Variants in MYH15 observed in about 807,000 individuals in gnomAD.
MYH15 encodes myosin-15.
A neutral mutation model predicts 240.5 loss-of-function variants in MYH15; 227 were observed. The ratio of observed to expected loss-of-function variants is 0.94; its 90% CI spans 0.85 to 1.05. The LOEUF (loss-of-function observed/expected upper bound fraction) is 1.05. Among genes scored for constraint, MYH15 ranks in the 50% least tolerant of loss-of-function variants. The probability of loss-of-function intolerance (pLI) is 0.00; values close to 1 mark genes in which losing one functional copy is unlikely to be tolerated. For synonymous variants in MYH15, 785 were observed against 796.7 expected (o/e 0.99, Z 0.25); for missense variants, 2,217 against 2,247.5 (o/e 0.99, Z 0.27).
At chr3:108,432,296 C>A (rs1438310917) in intron 25 of MYH15, among the ~76,000 whole-genome samples, 3 of 152,068 alleles carry the variant, frequency 2.0e-5, no homozygotes, top group Non-Finnish European at 4.4e-5. Flanking sequence ...TGAGCTCAGG[C>A]AATCTGGCCG....
intron 21 of MYH15, among the ~76,000 whole-genome samples, chr3:108,447,144 G>A (rs2082935309): frequency 1.3e-5 from 2 of 152,074 alleles, no homozygotes; most frequent in South Asian, 4.1e-4. Context: ...TGAGCTCAAA[G>A]ACAGGTCACT....
intron 33 of MYH15, among the ~76,000 whole-genome samples, chr3:108,403,468 C>T (rs1034641797): frequency 2.0e-5 from 3 of 147,914 alleles, no homozygotes; most frequent in Non-Finnish European, 4.5e-5. Flanking sequence ...CCTGGCTTAT[C>T]GTTGATTGCT....
Position 108,478,712 on chromosome 3 carries a change from C to T in MYH15, c.1115-2197G>A, listed in dbSNP as rs138037048. ...AAAAAAAGAGAAACATTTGTTTTTTCTAAGCTTTGGAAGCATGAAGAGAGA... is the reference window on the plus strand; with the variant it reads ...AAAAAAAGAGAAACATTTGTTTTTTTTAAGCTTTGGAAGCATGAAGAGAGA... On this transcript the variant is annotated intron_variant, in intron 11 of 40. Coordinates refer to ENST00000693548, the MANE Select transcript of MYH15 (RefSeq NM_014981.3). Among the ~76,000 whole-genome samples the T allele has an allele frequency of 8.8e-3, 1,337 of 151,446 alleles. 8 individuals carry two copies. Among genetic ancestry groups the T allele is most frequent in the Non-Finnish European group, 0.015 (1,031 of 67,828 alleles).
upstream of MYH15, chr3:108,510,724 C>T (rs1479325785): frequency 2.4e-6 from 2 of 819,564 alleles, no homozygotes; most frequent in Admixed American, 3.0e-5. Context: ...TTTCTCTTCG[C>T]TATGTCTCAA....
At chr3:108,493,022 A>AAAGG (rs61139688) in intron 8 of MYH15, 92 bp downstream of exon 8, 474,600 of 680,688 alleles carry the variant, frequency 0.7, 169,475 homozygotes, top group Non-Finnish European at 0.78. Context: ...AGAAAGAAGA[A>AAAGG]AAGGAAGGAA....
intron 30 of MYH15, among the ~76,000 whole-genome samples, chr3:108,411,618 C>T (rs1234555730): frequency 1.3e-5 from 2 of 152,156 alleles, no homozygotes; most frequent in African/African-American, 2.4e-5. Context: ...CCACCACCCC[C>T]GTAATATGCT....
intron 37 of MYH15, 61 bp from the exon 38 acceptor site, chr3:108,389,135 G>GA: frequency 7.0e-7 from 1 of 1,431,906 alleles, no homozygotes; most frequent in South Asian, 1.2e-5. Context: ...TCTATTTGCT[G>GA]ATTGGCACAA....
At chr3:108,505,556 C>G (rs1203717784) in intron 2 of MYH15, among the ~76,000 whole-genome samples, 167 bp downstream of exon 2, 2 of 152,154 alleles carry the variant, frequency 1.3e-5, no homozygotes, top group Non-Finnish European at 2.9e-5. Context: ...AGGCATGAGC[C>G]ATTGTGCCCA....
intron 11 of MYH15, among the ~76,000 whole-genome samples, chr3:108,481,300 A>G (rs569224897): frequency 8.2e-4 from 125 of 152,350 alleles, no homozygotes; most frequent in African/African-American, 2.9e-3. Context: ...CTGAGTAGGT[A>G]GGGTTCACTT....
intron 26 of MYH15, among the ~76,000 whole-genome samples, chr3:108,429,581 C>A (rs2082759740): frequency 6.6e-6 from 1 of 152,130 alleles, no homozygotes; most frequent in Non-Finnish European, 1.5e-5. Flanking sequence ...AACAGGTCTA[C>A]AAATCCTGAG....
In MYH15 at chr3:108,383,746, A is replaced by T. The variant is rs781225468; in HGVS notation, c.5632-17T>A. The T allele has an allele frequency of 1.3e-6, 2 of 1,535,630 alleles. No individual in the cohort carries two copies. Among genetic ancestry groups the T allele is most frequent in the Non-Finnish European group, 8.7e-7 (1 of 1,146,676 alleles). On this transcript the variant is annotated splice_polypyrimidine_tract_variant and intron_variant, in intron 39 of 40. Coordinates refer to ENST00000693548, the MANE Select transcript of MYH15 (RefSeq NM_014981.3). The stretch of plus-strand genomic sequence containing the variant: ...TTGTGTTTCCTATAAAAATAAAAAA[A>T]AAAAAAAAGAAATCTCCATGCCTAT...
the MYH15 span, among the ~76,000 whole-genome samples, chr3:108,534,700 TAAA>T: frequency 4.5e-5 from 6 of 134,674 alleles, no homozygotes; most frequent in East Asian, 6.2e-4. Flanking sequence ...ATCACATCTC[TAAA>T]AAAAAAAAAA....
At chr3:108,453,470 G>A (rs7612765) in intron 21 of MYH15, among the ~76,000 whole-genome samples, 4,215 of 152,256 alleles carry the variant, frequency 0.028, 174 homozygotes, top group African/African-American at 0.091. Flanking sequence ...TGCTTTTCAT[G>A]ATTCTATTAA....
chr3:108,504,096 G>T (rs1386411277), intron 2 of MYH15, among the ~76,000 whole-genome samples: 1 of 152,188 alleles, frequency 6.6e-6, no homozygotes, highest in Non-Finnish European at 1.5e-5. Flanking sequence ...GCTAGAATAG[G>T]CAAATCTATA....
In MYH15 at chr3:108,410,739, C is replaced by G; in HGVS notation, c.4339G>C (p.Asp1447His). The G allele has an allele frequency of 6.2e-7, 1 of 1,614,140 alleles. No individual in the cohort carries two copies. Among genetic ancestry groups the G allele is most frequent in the Non-Finnish European group, 8.5e-7 (1 of 1,180,034 alleles). The change falls in exon 31 of 41, where the codon GAC (aspartate) becomes CAC (histidine). Residue 1447 changes from aspartate to histidine, a missense_variant. Transcript: ENST00000693548. ...KQLQSGKALA[D>H]WKQKHEESQA... ...GACTCCTCGTGCTTCTGCTTCCAGTCGGCAAGGGCCTTGCCAGACTGCAGC... is the reference window on the plus strand; with the variant it reads ...GACTCCTCGTGCTTCTGCTTCCAGTGGGCAAGGGCCTTGCCAGACTGCAGC...
chr3:108,470,908 A>G (rs1245428277), intron 12 of MYH15, 61 bp from the exon 13 acceptor site: 5 of 1,549,098 alleles, frequency 3.2e-6, no homozygotes, highest in African/African-American at 2.7e-5. Flanking sequence ...AATCCCGGGC[A>G]TTCTCTATCA....
At chr3:108,448,075 A>C (rs2082943076) in intron 21 of MYH15, among the ~76,000 whole-genome samples, 1 of 152,140 alleles carries the variant, frequency 6.6e-6, no homozygotes, top group Non-Finnish European at 1.5e-5. Flanking sequence ...TATAACTACA[A>C]GATGTTTTAT....
At chr3:108,469,193 G>A (rs898902204) in intron 14 of MYH15, among the ~76,000 whole-genome samples, 2 of 152,212 alleles carry the variant, frequency 1.3e-5, no homozygotes, top group Non-Finnish European at 2.9e-5. Flanking sequence ...AGGACAGGGA[G>A]AGGTCAGTTG....
intron 6 of MYH15, among the ~76,000 whole-genome samples, chr3:108,497,760 T>C (rs2083403381): frequency 6.6e-6 from 1 of 152,180 alleles, no homozygotes; most frequent in African/African-American, 2.4e-5. Flanking sequence ...TAAGATGGTT[T>C]GAATCTTGAG....
Sources: allele counts gnomAD v4.1 joint callset (sites outside exome capture counted in the v4.1 genomes callset), GRCh38; gene constraint gnomAD v4.1.1; transcripts MANE v1.5; gene names NCBI Gene and HGNC (gene_info 2026-07-23, HGNC 2026-07-21).